RSRC1: variants seen among roughly 807,000 people sequenced by gnomAD.
RSRC1 encodes the protein serine/Arginine-related protein 53.
RSRC1 carries 39 observed loss-of-function variants against 49.1 expected under a neutral mutation model. The observed-to-expected ratio is 0.79, with a 90% CI of 0.61 to 1.04. RSRC1 has a LOEUF of 1.04. RSRC1 is among the 50% of genes least tolerant of loss of function. The pLI is 0.00. For missense variants in RSRC1, 388 were observed against 402.4 expected, an observed-to-expected ratio of 0.96 and a Z score of 0.31; for synonymous variants, 143 against 130.8, an observed-to-expected ratio of 1.09 and a Z score of -0.63.
At chr3:158,450,770 A>G (rs1405473713) in intron 6 of RSRC1, among the ~76,000 whole-genome samples, 1 of 151,996 alleles carries the variant, frequency 6.6e-6, no homozygotes, top group Non-Finnish European at 1.5e-5. Flanking sequence ...TAAAAACTAT[A>G]TGAGAAAACC....
At chr3:158,404,069 A>C (rs1042193423) in intron 6 of RSRC1, among the ~76,000 whole-genome samples, 2 of 151,922 alleles carry the variant, frequency 1.3e-5, no homozygotes, top group Non-Finnish European at 2.9e-5. Flanking sequence ...CAAATCCATT[A>C]TAGTCCTTGG....
chr3:158,526,275 G>A (rs1437574979), intron 7 of RSRC1, among the ~76,000 whole-genome samples: 1 of 151,928 alleles, frequency 6.6e-6, no homozygotes, highest in Non-Finnish European at 1.5e-5. Context: ...TATTAATCAT[G>A]TAAGGTTATC....
At chr3:158,251,831 A>C (rs1193762581) in intron 4 of RSRC1, among the ~76,000 whole-genome samples, 1 of 152,128 alleles carries the variant, frequency 6.6e-6, no homozygotes, top group Non-Finnish European at 1.5e-5. Flanking sequence ...TGATTGCTCT[A>C]GCTAAGACTT....
intron 4 of RSRC1, among the ~76,000 whole-genome samples, chr3:158,218,618 G>A (rs1004536364): frequency 1.1e-4 from 16 of 151,620 alleles, no homozygotes; most frequent in Non-Finnish European, 1.6e-4. Context: ...AGGATATATT[G>A]TAGGTGCAGA....
At chr3:158,460,665 T>A (rs1737561815) in intron 6 of RSRC1, among the ~76,000 whole-genome samples, 2 of 151,912 alleles carry the variant, frequency 1.3e-5, no homozygotes, top group Non-Finnish European at 2.9e-5. Flanking sequence ...AATTCATATG[T>A]CATCATTTAA....
intron 7 of RSRC1, among the ~76,000 whole-genome samples, chr3:158,516,594 C>T (rs1478481984): frequency 1.3e-5 from 2 of 152,188 alleles, no homozygotes; most frequent in Non-Finnish European, 2.9e-5. Flanking sequence ...CAGAGGCAGG[C>T]AGGCCTCCTT....
chr3:158,447,474 G>A (rs1241782465), intron 6 of RSRC1, among the ~76,000 whole-genome samples: 2 of 151,832 alleles, frequency 1.3e-5, no homozygotes, highest in Non-Finnish European at 2.9e-5. Flanking sequence ...AGAAACACTA[G>A]TAGAATTAGA....
chr3:158,188,351 G>C (rs555076745), intron 3 of RSRC1, among the ~76,000 whole-genome samples: 2 of 152,018 alleles, frequency 1.3e-5, no homozygotes, highest in East Asian at 3.9e-4. Context: ...TCAGATTTCT[G>C]TATTCCTCTT....
intron 6 of RSRC1, among the ~76,000 whole-genome samples, chr3:158,440,157 G>GA (rs1293722039): frequency 6.7e-6 from 1 of 148,922 alleles, no homozygotes; most frequent in African/African-American, 2.4e-5. Context: ...ACATAATTGT[G>GA]AAAGAGTGTG....
chr3:158,434,175 C>T (rs1050915729), intron 6 of RSRC1, among the ~76,000 whole-genome samples: 1 of 151,914 alleles, frequency 6.6e-6, no homozygotes, highest in Non-Finnish European at 1.5e-5. Context: ...TAAAAATCTT[C>T]ATATGAGAAC....
At chr3:158,322,845 T>C (rs1728841582) in intron 5 of RSRC1, among the ~76,000 whole-genome samples, 1 of 152,180 alleles carries the variant, frequency 6.6e-6, no homozygotes, top group Non-Finnish European at 1.5e-5. Context: ...GTTTTATCAA[T>C]CTGTTTTTAT....
intron 6 of RSRC1, among the ~76,000 whole-genome samples, chr3:158,421,798 G>A (rs923819558): frequency 1.3e-5 from 2 of 151,746 alleles, no homozygotes; most frequent in Non-Finnish European, 2.9e-5. Context: ...AAACTTCCTT[G>A]CCTGCCCACA....
chr3:158,459,109 A>G (rs759964528), intron 6 of RSRC1, among the ~76,000 whole-genome samples: 12 of 152,156 alleles, frequency 7.9e-5, no homozygotes, highest in Non-Finnish European at 1.3e-4. Context: ...AAGATTTTCT[A>G]TTTATGCACA....
chr3:158,512,430 T>A (rs1049174386), intron 7 of RSRC1, among the ~76,000 whole-genome samples: 1 of 150,778 alleles, frequency 6.6e-6, no homozygotes, highest in Non-Finnish European at 1.5e-5. Flanking sequence ...GTTGTAGATA[T>A]GCGGCGTTAT....
intron 7 of RSRC1, among the ~76,000 whole-genome samples, chr3:158,488,522 C>G (rs1053052713): frequency 1.6e-4 from 25 of 152,188 alleles, no homozygotes; most frequent in African/African-American, 5.5e-4. Flanking sequence ...TTTTCTCAAC[C>G]ATTGCTGACC....
intron 7 of RSRC1, among the ~76,000 whole-genome samples, chr3:158,511,763 T>A (rs1329823444): frequency 6.6e-6 from 1 of 152,054 alleles, no homozygotes. Flanking sequence ...TTCCTATTTC[T>A]CCACATCCTC....
At chr3:158,303,871 G>A (rs1325443963) in intron 5 of RSRC1, among the ~76,000 whole-genome samples, 1 of 152,136 alleles carries the variant, frequency 6.6e-6, no homozygotes, top group Non-Finnish European at 1.5e-5. Flanking sequence ...TATTTTTCAG[G>A]ACTGGAGTTG....
chr3:158,123,124 C>T (rs1210662101), intron 2 of RSRC1, among the ~76,000 whole-genome samples: 1 of 152,144 alleles, frequency 6.6e-6, no homozygotes, highest in South Asian at 2.1e-4. Context: ...CAGTTCTTCT[C>T]AGCCTTCCAA....
intron 6 of RSRC1, among the ~76,000 whole-genome samples, chr3:158,381,754 GGTACA>G (rs1374863214): frequency 6.6e-6 from 1 of 152,018 alleles, no homozygotes; most frequent in Non-Finnish European, 1.5e-5. Flanking sequence ...ACATAGAAAA[GGTACA>G]GTAAAGATAT....
Sources: allele counts gnomAD v4.1 joint callset (sites outside exome capture counted in the v4.1 genomes callset), GRCh38; gene constraint gnomAD v4.1.1; transcripts MANE v1.5; gene names NCBI Gene and HGNC (gene_info 2026-07-23, HGNC 2026-07-21).